The following CNTNAP5 variants were observed in gnomAD, a reference collection of about 807,000 sequenced individuals.
The protein encoded by CNTNAP5 is contactin-associated protein-like 5.
Under a neutral mutation model 150.2 loss-of-function variants are expected in CNTNAP5, and 72 were observed. The observed-to-expected ratio is 0.48, with a 90% CI of 0.40 to 0.58. The LOEUF is 0.58. Among genes scored for constraint, CNTNAP5 ranks in the 20% least tolerant of loss-of-function variants. The pLI, the probability that CNTNAP5 is intolerant of heterozygous loss-of-function variation, is 0.00. For missense variants in CNTNAP5, 1,636 were observed against 1,626.2 expected, an observed-to-expected ratio of 1.01 and a Z score of -0.10; for synonymous variants, 672 against 619.8, an observed-to-expected ratio of 1.08 and a Z score of -1.25.
chr2:124,179,944 G>C (rs867718822), intron 1 of CNTNAP5, among the ~76,000 whole-genome samples: 1 of 152,016 alleles, frequency 6.6e-6, no homozygotes, highest in Non-Finnish European at 1.5e-5. Context: ...ACCAGGGAGA[G>C]CTTCATTAAA....
rs567914305 is a variant in CNTNAP5 at position 124,597,878 on chromosome 2, CTTCATTTCA to C, written c.1757-11912_1757-11904del. Among the ~76,000 whole-genome samples the C allele has an allele frequency of 8.4e-3, 1,203 of 143,772 alleles. 21 individuals are homozygous for C. Among genetic ancestry groups the C allele is most frequent in the African/African-American group, 0.029 (1,115 of 38,950 alleles). 94.3% of individuals were successfully genotyped at this position (143,772 alleles called of 152,430 possible). On this transcript the variant is annotated intron_variant, in intron 11 of 23. Coordinates refer to ENST00000682447, the MANE Select transcript of CNTNAP5 (RefSeq NM_001367498.1). ...TTTTTTCTCTAAACTTCCCTTCTTG[CTTCATTTCA>C]TTCATTTCATCTTCCATTGCTGATA...
chr2:124,084,054 T>TG (rs57940223), intron 1 of CNTNAP5, among the ~76,000 whole-genome samples: 7 of 408 alleles, frequency 0.017, no homozygotes, highest in Non-Finnish European at 0.055. Context: ...ATGTTTGGCT[T>TG]TTTATCAGTG....
chr2:124,522,194 C>G (rs899159179), intron 8 of CNTNAP5, among the ~76,000 whole-genome samples: 3 of 152,202 alleles, frequency 2.0e-5, no homozygotes, highest in Admixed American at 2.0e-4. Context: ...TCACTTGCCA[C>G]TCTGACGGTC....
At chr2:124,744,735 C>T (rs2105142221) in intron 13 of CNTNAP5, among the ~76,000 whole-genome samples, 1 of 152,142 alleles carries the variant, frequency 6.6e-6, no homozygotes, top group African/African-American at 2.4e-5. Context: ...CTGCAATGGC[C>T]AAAATTTACA....
chr2:124,415,743 C>T (rs1008614625), intron 3 of CNTNAP5, among the ~76,000 whole-genome samples: 5 of 152,104 alleles, frequency 3.3e-5, no homozygotes, highest in Non-Finnish European at 5.9e-5. Context: ...ATGATGAAAA[C>T]GTTCTGGGGA....
At chr2:124,654,982 T>C (rs1223931440) in intron 13 of CNTNAP5, among the ~76,000 whole-genome samples, 1 of 151,660 alleles carries the variant, frequency 6.6e-6, no homozygotes, top group Non-Finnish European at 1.5e-5. Flanking sequence ...ATTATTGTTA[T>C]TATTATTATT....
intron 3 of CNTNAP5, among the ~76,000 whole-genome samples, chr2:124,290,269 G>C (rs1370377469): frequency 6.6e-6 from 1 of 152,106 alleles, no homozygotes; most frequent in African/African-American, 2.4e-5. Context: ...AAAAGGCATT[G>C]AGCACTGTTT....
At chr2:124,465,930 T>C (rs558730757) in intron 6 of CNTNAP5, among the ~76,000 whole-genome samples, 3 of 152,220 alleles carry the variant, frequency 2.0e-5, no homozygotes, top group Admixed American at 6.5e-5. Context: ...ATTTTAGATA[T>C]GTCAGTCAGG....
At position 124,860,424 on chromosome 2, in the gene CNTNAP5, C is replaced by T. The variant is rs62173279; in HGVS notation, c.3218-4882C>T. 5.0e-3 allele frequency among the ~76,000 whole-genome samples: 594 copies of T among 119,440 alleles called. 27 individuals are homozygous for T. The highest frequency in any genetic ancestry group is 0.033 in the African/African-American group (528 of 15,934). The allele number at this position is 119,440 out of a possible 152,430, so 78.4% of individuals were successfully genotyped here. A position where few individuals can be genotyped will look rare whatever the true frequency, so the allele number is the denominator to read the frequency against. ...CCTGCCTCCCTCTCTCCCTTCCTTC[C>T]TTCCTTCCTTCCTTCCTTCCTTCCT... On this transcript the variant is annotated intron_variant, in intron 19 of 23. Transcript: ENST00000682447.
chr2:124,567,939 A>G (rs756242041), intron 11 of CNTNAP5, among the ~76,000 whole-genome samples: 4 of 151,990 alleles, frequency 2.6e-5, no homozygotes, highest in Non-Finnish European at 4.4e-5. Flanking sequence ...TAGTGTTATT[A>G]TTTCCATTTT....
chr2:124,232,111 A>G (rs539564534), intron 2 of CNTNAP5, among the ~76,000 whole-genome samples: 10 of 152,224 alleles, frequency 6.6e-5, no homozygotes, highest in South Asian at 6.2e-4. Context: ...TGTTTCTAAC[A>G]CTTTGCAAAG....
intron 6 of CNTNAP5, among the ~76,000 whole-genome samples, chr2:124,457,336 A>G (rs970483222): frequency 6.6e-6 from 1 of 152,244 alleles, no homozygotes; most frequent in Non-Finnish European, 1.5e-5. Context: ...TGCACAGCAA[A>G]AGGAACAGTC....
intron 3 of CNTNAP5, among the ~76,000 whole-genome samples, chr2:124,387,278 A>G (rs1690954126): frequency 6.6e-6 from 1 of 152,212 alleles, no homozygotes; most frequent in South Asian, 2.1e-4. Context: ...TATTTTGGCT[A>G]AGATGCCCCA....
In CNTNAP5 at chr2:124,446,860, G is replaced by A. The variant is rs1272807642; in HGVS notation, c.841G>A (p.Val281Met). The A allele has an allele frequency of 4.3e-6, 7 of 1,613,826 alleles. No homozygotes were observed. In the African/African-American group the frequency reaches 6.7e-5, roughly 15 times the overall value. The change falls in exon 6 of 24, where the codon GTG becomes ATG. Residue 281 changes from valine (V) to methionine (M), a missense_variant. Transcript: ENST00000682447. ...SVLIERVGKQ[V>M]NFTVDKHTQH... ...CCTCATTGAGCGGGTGGGCAAGCAG[G>A]TGAACTTCACGGTGGACAAGCACAC...
intron 1 of CNTNAP5, among the ~76,000 whole-genome samples, chr2:124,063,853 T>C (rs17010817): frequency 0.1 from 15,549 of 152,210 alleles, 909 homozygotes; most frequent in East Asian, 0.29. Flanking sequence ...TAAGGCAGCA[T>C]AGTATGTCCA....
intron 3 of CNTNAP5, among the ~76,000 whole-genome samples, chr2:124,396,472 C>T (rs984597876): frequency 6.6e-6 from 1 of 152,086 alleles, no homozygotes; most frequent in Non-Finnish European, 1.5e-5. Flanking sequence ...CTAGGGGGTC[C>T]CTTTTTTCTG....
intron 3 of CNTNAP5, among the ~76,000 whole-genome samples, chr2:124,317,188 C>G (rs1164504911): frequency 6.6e-6 from 1 of 152,040 alleles, no homozygotes; most frequent in African/African-American, 2.4e-5. Context: ...GCAGACTTAC[C>G]TTTAGATTAA....
At chr2:124,844,116 T>A (rs1450487613) in intron 19 of CNTNAP5, among the ~76,000 whole-genome samples, 1 of 152,188 alleles carries the variant, frequency 6.6e-6, no homozygotes, top group East Asian at 1.9e-4. Context: ...TTTTTCAATG[T>A]TATCTTCTAG....
intron 11 of CNTNAP5, among the ~76,000 whole-genome samples, chr2:124,599,744 G>GTTTTT (rs1453643555): frequency 6.6e-6 from 1 of 151,976 alleles, no homozygotes; most frequent in Non-Finnish European, 1.5e-5. Context: ...TTTTGTTTTT[G>GTTTTT]TTTTTGGAGA....
Sources: allele counts gnomAD v4.1 joint callset (sites outside exome capture counted in the v4.1 genomes callset), GRCh38; gene constraint gnomAD v4.1.1; transcripts MANE v1.5; gene names NCBI Gene and HGNC (gene_info 2026-07-23, HGNC 2026-07-21).